Variants in MYO10 observed in about 807,000 individuals in gnomAD.
MYO10 encodes myosin X.
In MYO10, 133 loss-of-function variants were observed where a neutral mutation model predicts 257.3. That is an observed-to-expected ratio of 0.52 (90% CI 0.45 to 0.60). The LOEUF (loss-of-function observed/expected upper bound fraction) is 0.60. Ranked by LOEUF, MYO10 falls within the 20% of genes least tolerant of loss-of-function variation. The probability of loss-of-function intolerance (pLI) is 0.00; values close to 1 mark genes in which losing one functional copy is unlikely to be tolerated. For synonymous variants in MYO10, 1,104 were observed against 1,028.6 expected (o/e 1.07, Z -1.40); for missense variants, 2,399 against 2,635.7 (o/e 0.91, Z 1.97).
At chr5:16,781,671 A>G in intron 6 of MYO10, 34 bp downstream of exon 6, 1 of 1,589,484 alleles carries the variant, frequency 6.3e-7, no homozygotes, top group Non-Finnish European at 8.6e-7. Context: ...TAGAGAATCA[A>G]TTACTATAGA....
chr5:16,855,859 G>A (rs1316912081), intron 2 of MYO10, among the ~76,000 whole-genome samples: 3 of 151,828 alleles, frequency 2.0e-5, no homozygotes, highest in Non-Finnish European at 4.4e-5. Context: ...ATCATTCCAG[G>A]AGACTGAAAT....
At chr5:16,906,955 T>C (rs1745535950) in intron 1 of MYO10, among the ~76,000 whole-genome samples, 1 of 151,778 alleles carries the variant, frequency 6.6e-6, no homozygotes, top group Admixed American at 6.6e-5. Context: ...CTACTAAAAA[T>C]ACAAAAAAAT....
At chr5:16,707,544 T>C (rs891408762) in intron 21 of MYO10, among the ~76,000 whole-genome samples, 5 of 152,190 alleles carry the variant, frequency 3.3e-5, no homozygotes, top group African/African-American at 1.2e-4. Context: ...ACACTGTCTT[T>C]ATAAAAATAC....
intron 2 of MYO10, among the ~76,000 whole-genome samples, chr5:16,830,679 G>GCACACA (rs1554000807): frequency 6.7e-6 from 1 of 148,920 alleles, no homozygotes. Flanking sequence ...TTTTTAATAG[G>GCACACA]CACACACACA....
In MYO10 at chr5:16,768,936, A is replaced by G. The variant is rs551494185; in HGVS notation, c.1060+138T>C. On this transcript the variant is annotated intron_variant, in intron 10 of 40. Transcript: ENST00000513610. Reference sequence around the variant, plus strand: ...AGCAATCTGCCCGCCTCCACCTCCCAAAGTGCTGGGGTTACAGGCAAGAGC... The same window carrying G: ...AGCAATCTGCCCGCCTCCACCTCCCGAAGTGCTGGGGTTACAGGCAAGAGC... 1.4e-4 allele frequency: 155 copies of G among 1,099,986 alleles called. 1 individual carries two copies. The highest frequency in any genetic ancestry group is 3.2e-4 in the Middle Eastern group (1 of 3,140). 68.1% of individuals were successfully genotyped at this position (1,099,986 alleles called of 1,614,324 possible). A position where few individuals can be genotyped will look rare whatever the true frequency, so the allele number is the denominator to read the frequency against.
intron 3 of MYO10, among the ~76,000 whole-genome samples, chr5:16,797,526 A>G (rs745661523): frequency 2.5e-4 from 38 of 152,256 alleles, no homozygotes; most frequent in Non-Finnish European, 5.0e-4. Context: ...TTGTACACAC[A>G]TGTTCACAGA....
intron 1 of MYO10, among the ~76,000 whole-genome samples, chr5:16,921,205 A>C (rs867754013): frequency 2.0e-5 from 3 of 152,270 alleles, no homozygotes; most frequent in South Asian, 2.1e-4. Flanking sequence ...AGAAGGCAGC[A>C]GATGTAATTT....
At chr5:16,760,828 G>T (rs1022021019) in intron 17 of MYO10, among the ~76,000 whole-genome samples, 3 of 152,138 alleles carry the variant, frequency 2.0e-5, no homozygotes, top group Middle Eastern at 3.4e-3. Context: ...AGAGGTCTTG[G>T]GGAAGTCACT....
chr5:16,798,851 G>C (rs760117375), intron 3 of MYO10, among the ~76,000 whole-genome samples: 2 of 151,986 alleles, frequency 1.3e-5, no homozygotes, highest in Non-Finnish European at 2.9e-5. Context: ...TCAACACGGC[G>C]GGCTCAACTG....
In MYO10 at chr5:16,857,474, T is replaced by C. The variant is rs189818359; in HGVS notation, c.120+20135A>G. On this transcript the variant is annotated intron_variant, in intron 2 of 40. Coordinates refer to ENST00000513610, the MANE Select transcript of MYO10 (RefSeq NM_012334.3). The stretch of plus-strand genomic sequence containing the variant: ...TCCCCACACATAGCCTGCCAACCCC[T>C]GCAGACCCATTTTCAAAGTATGGCT... Among the ~76,000 whole-genome samples the C allele has an allele frequency of 2.9e-3, 445 of 152,328 alleles. 5 individuals carry two copies. Among genetic ancestry groups the C allele is most frequent in the Non-Finnish European group, 5.3e-3 (361 of 68,014 alleles).
At chr5:16,926,991 T>C (rs2625186) in intron 1 of MYO10, among the ~76,000 whole-genome samples, 71,457 of 152,054 alleles carry the variant, frequency 0.47, 17,111 homozygotes, top group African/African-American at 0.53. Flanking sequence ...GCTTTAAACA[T>C]GTTTGTTGAT....
At chr5:16,693,362 C>T (rs1401740363) in intron 27 of MYO10, among the ~76,000 whole-genome samples, 7 of 152,190 alleles carry the variant, frequency 4.6e-5, no homozygotes, top group Non-Finnish European at 1.0e-4. Context: ...TTGCTGTGAA[C>T]CCTTGCAGGA....
intron 9 of MYO10, among the ~76,000 whole-genome samples, chr5:16,775,059 C>T (rs1400939525): frequency 6.6e-6 from 1 of 152,172 alleles, no homozygotes; most frequent in African/African-American, 2.4e-5. Context: ...TCAGCAAAGA[C>T]TCCTGTTACT....
chr5:16,691,890 C>T (rs934773819), intron 27 of MYO10, among the ~76,000 whole-genome samples: 4 of 152,128 alleles, frequency 2.6e-5, no homozygotes, highest in South Asian at 2.1e-4. Flanking sequence ...AAGAGAAACA[C>T]GTTCAAACAC....
chr5:16,711,861 T>C (rs1242466351), intron 19 of MYO10, among the ~76,000 whole-genome samples: 1 of 152,242 alleles, frequency 6.6e-6, no homozygotes, highest in Non-Finnish European at 1.5e-5. Flanking sequence ...TGTGTTAATA[T>C]AACACTAGTA....
At chr5:16,874,497 C>A (rs139177207) in intron 2 of MYO10, among the ~76,000 whole-genome samples, 3,164 of 152,164 alleles carry the variant, frequency 0.021, 126 homozygotes, top group African/African-American at 0.074. Context: ...CCACCAGATG[C>A]CCTAAATCAT....
chr5:16,726,787 C>T (rs1473116614), intron 19 of MYO10, among the ~76,000 whole-genome samples: 1 of 152,140 alleles, frequency 6.6e-6, no homozygotes, highest in African/African-American at 2.4e-5. Context: ...GCATTAAAAC[C>T]CACGAGATGA....
intron 1 of MYO10, among the ~76,000 whole-genome samples, chr5:16,934,834 AG>A (rs1186439522): frequency 6.6e-6 from 1 of 152,248 alleles, no homozygotes; most frequent in African/African-American, 2.4e-5. Flanking sequence ...GCTAACACAG[AG>A]GCAAGCCCTC....
chr5:16,738,755 G>C (rs1282831471), intron 19 of MYO10, among the ~76,000 whole-genome samples: 1 of 151,924 alleles, frequency 6.6e-6, no homozygotes, highest in Non-Finnish European at 1.5e-5. Context: ...GCTGGGCGTG[G>C]TGGTGCACGC....
Sources: allele counts gnomAD v4.1 joint callset (sites outside exome capture counted in the v4.1 genomes callset), GRCh38; gene constraint gnomAD v4.1.1; transcripts MANE v1.5; gene names NCBI Gene and HGNC (gene_info 2026-07-23, HGNC 2026-07-21).